Variants in TASP1 observed in about 807,000 individuals in gnomAD.
TASP1 encodes the protein threonine aspartase 1.
TASP1 carries 16 observed loss-of-function variants against 56.6 expected under a neutral mutation model. That is an observed-to-expected ratio of 0.28 (90% confidence interval 0.19 to 0.43). The LOEUF (loss-of-function observed/expected upper bound fraction) is 0.43. Among genes scored for constraint, TASP1 ranks in the 20% least tolerant of loss-of-function variants. The pLI is 1.00. For missense variants in TASP1, 393 were observed against 511.6 expected, an observed-to-expected ratio of 0.77 and a Z score of 2.24; for synonymous variants, 179 against 184.2, an observed-to-expected ratio of 0.97 and a Z score of 0.23.
At chr20:13,206,136 C>G in the TASP1 span, among the ~76,000 whole-genome samples, 1 of 152,116 alleles carries the variant, frequency 6.6e-6, no homozygotes, top group Non-Finnish European at 1.5e-5. Flanking sequence ...CTGCAACAAG[C>G]TACTTCAGAA....
chr20:13,577,856 C>T (rs890110199), intron 6 of TASP1, among the ~76,000 whole-genome samples: 1 of 152,170 alleles, frequency 6.6e-6, no homozygotes, highest in African/African-American at 2.4e-5. Flanking sequence ...ATGTTTCTCT[C>T]CTTTTTTCTA....
At chr20:13,332,518 T>A in the TASP1 span, among the ~76,000 whole-genome samples, 1 of 152,194 alleles carries the variant, frequency 6.6e-6, no homozygotes, top group African/African-American at 2.4e-5. Context: ...TCACCAAAAT[T>A]AAAAAATTTG....
the TASP1 span, among the ~76,000 whole-genome samples, chr20:13,136,294 T>A: frequency 6.6e-6 from 1 of 152,030 alleles, no homozygotes; most frequent in Non-Finnish European, 1.5e-5. Flanking sequence ...CTATTTAAGA[T>A]CCTCAGAAAT....
chr20:13,554,052 T>C (rs1419514089), intron 8 of TASP1, among the ~76,000 whole-genome samples: 1 of 152,162 alleles, frequency 6.6e-6, no homozygotes, highest in African/African-American at 2.4e-5. Context: ...AAAATACATC[T>C]GGCACTTCTC....
chr20:13,113,552 C>T, the TASP1 span, among the ~76,000 whole-genome samples: 3 of 152,148 alleles, frequency 2.0e-5, no homozygotes, highest in African/African-American at 7.2e-5. Context: ...ATAATAATGT[C>T]ACCATTCATA....
the TASP1 span, among the ~76,000 whole-genome samples, chr20:13,138,465 T>C: frequency 6.6e-6 from 1 of 152,184 alleles, no homozygotes; most frequent in African/African-American, 2.4e-5. Context: ...TTTACTTCTA[T>C]TATGTTAGTC....
intron 11 of TASP1, among the ~76,000 whole-genome samples, chr20:13,478,374 C>CACACAT (rs56698233): frequency 0.01 from 1,565 of 151,512 alleles, 29 homozygotes; most frequent in African/African-American, 0.035. Flanking sequence ...CACACACACA[C>CACACAT]GAATACTATT....
At chr20:13,596,614 TA>T (rs1489208784) in intron 4 of TASP1, among the ~76,000 whole-genome samples, 1 of 151,890 alleles carries the variant, frequency 6.6e-6, no homozygotes, top group Non-Finnish European at 1.5e-5. Flanking sequence ...ATATCACAAT[TA>T]AAAGAACTAG....
intron 4 of TASP1, among the ~76,000 whole-genome samples, chr20:13,604,985 T>TAC (rs1054226106): frequency 1.1e-5 from 1 of 90,484 alleles, no homozygotes; most frequent in Non-Finnish European, 2.3e-5. Context: ...AAAGACATAA[T>TAC]ACATATATAT....
intron 13 of TASP1, among the ~76,000 whole-genome samples, chr20:13,396,859 T>C (rs1248596955): frequency 1.6e-4 from 24 of 152,214 alleles, no homozygotes; most frequent in Non-Finnish European, 1.2e-4. Flanking sequence ...AACAGGGATA[T>C]ATACAGGGCA....
At chr20:13,312,190 C>A in the TASP1 span, among the ~76,000 whole-genome samples, 5 of 152,010 alleles carry the variant, frequency 3.3e-5, no homozygotes, top group African/African-American at 1.2e-4. Context: ...AACCAAGTAC[C>A]AAAAGTAAGC....
chr20:13,221,258 C>T, the TASP1 span, among the ~76,000 whole-genome samples: 10 of 107,618 alleles, frequency 9.3e-5, no homozygotes, highest in African/African-American at 2.3e-4. Flanking sequence ...TCCTCCTCCT[C>T]CTCCTTCTCC....
intron 13 of TASP1, among the ~76,000 whole-genome samples, chr20:13,414,419 T>C (rs112349819): frequency 1.3e-5 from 2 of 152,300 alleles, no homozygotes; most frequent in Admixed American, 1.3e-4. Flanking sequence ...TATATAGTTA[T>C]TATTTTTCCC....
intron 13 of TASP1, among the ~76,000 whole-genome samples, chr20:13,416,129 G>C (rs1294805302): frequency 1.3e-5 from 2 of 152,072 alleles, no homozygotes; most frequent in African/African-American, 2.4e-5. Context: ...CATCAAACTA[G>C]CCACATTTAA....
At chr20:13,450,841 C>T (rs1426773798) in intron 11 of TASP1, among the ~76,000 whole-genome samples, 2 of 152,048 alleles carry the variant, frequency 1.3e-5, no homozygotes, top group Non-Finnish European at 2.9e-5. Flanking sequence ...ATTTACTTGA[C>T]CCAGATTTCA....
At position 13,390,310 on chromosome 20, in the gene TASP1, A is replaced by G. The variant is rs1260855262; in HGVS notation, c.*50T>C. On this transcript the variant is annotated 3_prime_UTR_variant, in exon 14 of 14. Coordinates refer to ENST00000337743, the MANE Select transcript of TASP1 (RefSeq NM_017714.3). ...CCAACTTCAGTTAAAAACCCCCAAA[A>G]GCTCAGGTTCTGAAATGCCTCTGAG... 3.9e-6 allele frequency: 6 copies of G among 1,542,308 alleles called. No homozygotes were observed. Among genetic ancestry groups the G allele is most frequent in the Non-Finnish European group, 5.3e-6 (6 of 1,121,512 alleles).
chr20:13,485,203 C>T (rs879338589), intron 10 of TASP1, among the ~76,000 whole-genome samples: 8 of 152,120 alleles, frequency 5.3e-5, no homozygotes, highest in Non-Finnish European at 7.4e-5. Context: ...CAACCAGAAA[C>T]AAATATGCTG....
chr20:13,165,102 A>G, the TASP1 span: 4 of 419,412 alleles, frequency 9.5e-6, no homozygotes, highest in Non-Finnish European at 1.7e-5. Flanking sequence ...CTAGAAATAC[A>G]CACACACACA....
chr20:13,318,136 A>AAAATAAATAAATAAATAAAT, the TASP1 span, among the ~76,000 whole-genome samples: 34,467 of 144,784 alleles, frequency 0.24, 4,473 homozygotes, highest in African/African-American at 0.28. Flanking sequence ...GACACTTGAA[A>AAAATAAATAAATAAATAAAT]AAATAAATAA....
Sources: gnomAD v4.1 joint callset for allele counts (sites outside exome capture counted in the v4.1 genomes callset) on GRCh38, gnomAD v4.1.1 for gene constraint, MANE v1.5 for transcripts, NCBI Gene and HGNC (gene_info 2026-07-23, HGNC 2026-07-21) for gene names.